DOCK9: variants seen among roughly 807,000 people sequenced by gnomAD.
The protein encoded by DOCK9 is dedicator of cytokinesis 9.
In DOCK9, 89 loss-of-function variants were observed where a neutral mutation model predicts 263.3. That is an observed-to-expected ratio of 0.34 (90% CI 0.28 to 0.40). The LOEUF is 0.40. Ranked by LOEUF, DOCK9 falls within the 10% of genes least tolerant of loss-of-function variation. The pLI is 1.00. For synonymous variants in DOCK9, 976 were observed against 973.1 expected (o/e 1.00, Z -0.06); for missense variants, 2,140 against 2,603.4 (o/e 0.82, Z 3.87).
intron 1 of DOCK9, among the ~76,000 whole-genome samples, chr13:99,075,350 T>C (rs191213870): frequency 8.7e-4 from 121 of 139,412 alleles, no homozygotes; most frequent in African/African-American, 2.5e-3. Context: ...AGGTCAGCTG[T>C]AGTACTTTTT....
chr13:98,937,713 CTT>C (rs34325473), intron 2 of DOCK9, among the ~76,000 whole-genome samples: 69,203 of 146,220 alleles, frequency 0.47, 16,501 homozygotes, highest in Middle Eastern at 0.56. Context: ...TTTTGTTTTG[CTT>C]TTTTTTTTTT....
intron 3 of DOCK9, among the ~76,000 whole-genome samples, chr13:98,926,158 A>C (rs1451597236): frequency 6.6e-6 from 1 of 152,212 alleles, no homozygotes; most frequent in Non-Finnish European, 1.5e-5. Flanking sequence ...TAATGATCTG[A>C]GAGCAGGTTT....
intron 45 of DOCK9, among the ~76,000 whole-genome samples, chr13:98,823,243 C>T (rs1244055553): frequency 6.6e-6 from 1 of 152,136 alleles, no homozygotes; most frequent in Non-Finnish European, 1.5e-5. Flanking sequence ...GCCTGTTTGA[C>T]AGGCTGTTTG....
At chr13:98,902,913 T>C in intron 11 of DOCK9, 59 bp downstream of exon 11, 1 of 1,409,330 alleles carries the variant, frequency 7.1e-7, no homozygotes, top group African/African-American at 1.5e-5. Context: ...ACTGTAAAGG[T>C]ACATCTGAAA....
intron 50 of DOCK9, among the ~76,000 whole-genome samples, chr13:98,798,204 T>C (rs2089671973): frequency 6.6e-6 from 1 of 152,168 alleles, no homozygotes; most frequent in South Asian, 2.1e-4. Flanking sequence ...GTTCCAGGCG[T>C]CTGAGACAGC....
intron 32 of DOCK9, 36 bp downstream of exon 32, chr13:98,862,979 ACCTG>A: frequency 6.5e-7 from 1 of 1,539,842 alleles, no homozygotes; most frequent in East Asian, 2.4e-5. Context: ...CTTCCCCGGG[ACCTG>A]ATATAGGCTG....
At chr13:98,887,989 T>C (rs192409519) in intron 18 of DOCK9, 169 bp downstream of exon 18, 5 of 530,834 alleles carry the variant, frequency 9.4e-6, no homozygotes, top group Non-Finnish European at 1.6e-5. Context: ...AAATATTCCA[T>C]ATTCGATAAG....
At chr13:99,055,923 A>G (rs1412922033) in intron 1 of DOCK9, among the ~76,000 whole-genome samples, 1 of 152,128 alleles carries the variant, frequency 6.6e-6, no homozygotes, top group Non-Finnish European at 1.5e-5. Context: ...TTTTTCAGAA[A>G]TCAGCCAAGC....
At position 98,902,466 on chromosome 13, in the gene DOCK9, G is replaced by A. The variant is rs371329273; in HGVS notation, c.1202C>T (p.Ser401Phe). Residue 401 changes from serine (S) to phenylalanine (F), a missense_variant, in exon 12 of 53, where the codon TCC becomes TTC. Physicochemically the swap from Ser to Phe is radical, Grantham distance 155. Transcript: ENST00000682017. The part of the protein sequence containing the change: ...TNVEPFFVTL[S>F]LFDIKYNRKI... ...CCGGTTGTATTTTATGTCAAACAGG[G>A]ATAGAGTAACAAAGAAAGGTTCAAC... 1.2e-6 allele frequency: 2 copies of A among 1,613,956 alleles called. No homozygotes were observed.
At chr13:99,067,275 G>C (rs949249608) in intron 1 of DOCK9, among the ~76,000 whole-genome samples, 2 of 152,148 alleles carry the variant, frequency 1.3e-5, no homozygotes, top group Non-Finnish European at 2.9e-5. Context: ...GACAACCTGA[G>C]ACCTACTCAA....
chr13:99,053,341 AAT>A (rs1414538330), intron 1 of DOCK9, among the ~76,000 whole-genome samples: 17 of 152,212 alleles, frequency 1.1e-4, no homozygotes, highest in Non-Finnish European at 2.2e-4. Context: ...AGCTACTATA[AAT>A]AATTTCCCAT....
At chr13:98,998,572 T>A (rs1881581543) in intron 1 of DOCK9, among the ~76,000 whole-genome samples, 1 of 152,094 alleles carries the variant, frequency 6.6e-6, no homozygotes. Context: ...AATGAGGAAG[T>A]CTTGTGGTAC....
chr13:98,960,109 G>GGC (rs1430762200), intron 1 of DOCK9, among the ~76,000 whole-genome samples: 1 of 152,132 alleles, frequency 6.6e-6, no homozygotes. Context: ...GCACAGATCT[G>GGC]GCACACAGCC....
intron 13 of DOCK9, among the ~76,000 whole-genome samples, chr13:98,900,195 C>T (rs2048063226): frequency 6.6e-6 from 1 of 152,156 alleles, no homozygotes. Flanking sequence ...CAGACTTCAG[C>T]AGATGCTCAG....
intron 37 of DOCK9, chr13:98,847,357 G>A (rs1463377992): frequency 6.6e-6 from 1 of 152,154 alleles, no homozygotes; most frequent in African/African-American, 2.4e-5. Flanking sequence ...CTGGTATAAG[G>A]ACACCTTGTA....
intron 1 of DOCK9, among the ~76,000 whole-genome samples, chr13:98,963,382 C>A (rs1385819179): frequency 6.6e-6 from 1 of 152,212 alleles, no homozygotes; most frequent in African/African-American, 2.4e-5. Context: ...ATCCAGCAGA[C>A]CTGCACAATG....
chr13:98,817,961 T>C (rs2092006618), intron 45 of DOCK9, among the ~76,000 whole-genome samples: 1 of 152,134 alleles, frequency 6.6e-6, no homozygotes, highest in African/African-American at 2.4e-5. Context: ...TGAACATTAT[T>C]TCGTCTTCTT....
chr13:98,794,654 C>G lies in DOCK9; in HGVS notation c.6251G>C (p.Gly2084Ala). The change falls in exon 53 of 53, where the codon GGG becomes GCG. Residue 2084 changes from glycine to alanine, a missense_variant. Coordinates refer to ENST00000682017, the MANE Select transcript of DOCK9 (RefSeq NM_001366683.2). Reference protein sequence around the residue: ...SGTPTSTMVHGMTSSSSVV With the variant: ...SGTPTSTMVHAMTSSSSVV ...CACGACCGAAGACGAGCTGGTCATCCCGTGAACCATTGTGCTTGTTGGAGT... is the reference window on the plus strand; with the variant it reads ...CACGACCGAAGACGAGCTGGTCATCGCGTGAACCATTGTGCTTGTTGGAGT... 1.2e-6 allele frequency: 2 copies of G among 1,611,948 alleles called. No individual in the cohort carries two copies. The highest frequency in any genetic ancestry group is 2.2e-5 in the South Asian group (2 of 90,450).
intron 1 of DOCK9, among the ~76,000 whole-genome samples, chr13:98,983,457 G>A (rs1231011562): frequency 6.6e-6 from 1 of 152,084 alleles, no homozygotes; most frequent in Admixed American, 6.6e-5. Flanking sequence ...AGCCAGCGAG[G>A]GAGGAGAGAA....
Sources: gnomAD v4.1 joint callset for allele counts (sites outside exome capture counted in the v4.1 genomes callset) on GRCh38, gnomAD v4.1.1 for gene constraint, MANE v1.5 for transcripts, NCBI Gene and HGNC (gene_info 2026-07-23, HGNC 2026-07-21) for gene names.